Variants in ACYP2 observed in about 807,000 individuals in gnomAD.
The protein encoded by ACYP2 is acylphosphatase 2.
In ACYP2, 12 loss-of-function variants were observed where a neutral mutation model predicts 11.2. The observed-to-expected ratio is 1.08, with a 90% CI of 0.69 to 1.74. The LOEUF (loss-of-function observed/expected upper bound fraction) is 1.74, where lower values mean the gene tolerates loss of function less well. Among genes scored for constraint, ACYP2 ranks in the 40% most tolerant of loss-of-function variants. ACYP2 has a pLI of 0.00. For synonymous variants in ACYP2, 43 were observed against 32.2 expected (o/e 1.33, Z -1.13); for missense variants, 134 against 101.9 (o/e 1.31, Z -1.35).
intron 4 of ACYP2, among the ~76,000 whole-genome samples, chr2:54,128,722 CT>C (rs1366123239): frequency 6.6e-6 from 1 of 151,878 alleles, no homozygotes; most frequent in Non-Finnish European, 1.5e-5. Flanking sequence ...CTTTTCCCCC[CT>C]TTTTTAAAAA....
intron 6 of ACYP2, among the ~76,000 whole-genome samples, chr2:54,165,745 T>C (rs1682942242): frequency 6.6e-6 from 1 of 152,170 alleles, no homozygotes; most frequent in East Asian, 1.9e-4. Flanking sequence ...CCAGTCTTCC[T>C]GTTAGTTTCT....
intron 6 of ACYP2, among the ~76,000 whole-genome samples, chr2:54,302,183 A>C (rs1321711495): frequency 6.6e-6 from 1 of 152,164 alleles, no homozygotes. Context: ...CTAGTCTTGG[A>C]TTCCATGGTT....
chr2:54,202,024 AAGTTT>A, intron 6 of ACYP2, among the ~76,000 whole-genome samples: 1 of 144,500 alleles, frequency 6.9e-6, no homozygotes, highest in East Asian at 2.2e-4. Flanking sequence ...TTTTTCTTCT[AAGTTT>A]CTGCTTAAAG....
chr2:54,041,690 A>G (rs1209732678), intron 2 of ACYP2, among the ~76,000 whole-genome samples: 1 of 152,218 alleles, frequency 6.6e-6, no homozygotes, highest in African/African-American at 2.4e-5. Flanking sequence ...AGAGGCGGCA[A>G]GGGAGCTGAG....
At chr2:54,151,630 A>G (rs1682174426) in intron 6 of ACYP2, among the ~76,000 whole-genome samples, 1 of 152,226 alleles carries the variant, frequency 6.6e-6, no homozygotes. Flanking sequence ...AAAACTAGGA[A>G]CATGAAAAAT....
chr2:54,230,602 G>A (rs993318895), intron 6 of ACYP2, among the ~76,000 whole-genome samples: 2 of 152,004 alleles, frequency 1.3e-5, no homozygotes, highest in African/African-American at 4.8e-5. Context: ...CCAACCTCAG[G>A]TGATTTGCCC....
intron 2 of ACYP2, among the ~76,000 whole-genome samples, chr2:54,016,268 T>TA (rs541747715): frequency 3.3e-5 from 5 of 151,848 alleles, no homozygotes; most frequent in African/African-American, 7.2e-5. Flanking sequence ...CCCAGTGCCA[T>TA]AAAAAAAATA....
intron 6 of ACYP2, among the ~76,000 whole-genome samples, chr2:54,211,882 T>C (rs1241114952): frequency 6.6e-6 from 1 of 152,196 alleles, no homozygotes; most frequent in Non-Finnish European, 1.5e-5. Flanking sequence ...TGCTTCATGA[T>C]GCCAGGAACT....
intron 2 of ACYP2, among the ~76,000 whole-genome samples, chr2:54,021,203 A>G (rs1427482166): frequency 6.6e-6 from 1 of 152,204 alleles, no homozygotes; most frequent in Non-Finnish European, 1.5e-5. Context: ...AAGGGTGGTT[A>G]CAGAACAGGT....
intron 2 of ACYP2, among the ~76,000 whole-genome samples, chr2:54,006,262 C>G (rs1673057836): frequency 1.3e-5 from 2 of 152,078 alleles, no homozygotes; most frequent in Admixed American, 1.3e-4. Context: ...ATTCTCCTGC[C>G]TCGGCCCCCC....
At chr2:54,009,456 C>T (rs962533613) in intron 2 of ACYP2, among the ~76,000 whole-genome samples, 1 of 152,038 alleles carries the variant, frequency 6.6e-6, no homozygotes, top group Non-Finnish European at 1.5e-5. Context: ...CACCTGTAAT[C>T]CCAGCTACTT....
At chr2:54,191,691 C>T (rs13410397) in intron 6 of ACYP2, among the ~76,000 whole-genome samples, 34,915 of 152,118 alleles carry the variant, frequency 0.23, 4,159 homozygotes, top group East Asian at 0.38. Context: ...ATTATTATTA[C>T]TGGAGGTGTC....
At chr2:54,234,022 T>C (rs1166150771) in intron 6 of ACYP2, among the ~76,000 whole-genome samples, 2 of 152,020 alleles carry the variant, frequency 1.3e-5, no homozygotes, top group African/African-American at 4.8e-5. Flanking sequence ...CCTTTAATGA[T>C]TTATTAAGAT....
At chr2:54,148,293 G>C (rs879132053) in intron 6 of ACYP2, among the ~76,000 whole-genome samples, 3 of 150,466 alleles carry the variant, frequency 2.0e-5, no homozygotes, top group Admixed American at 2.0e-4. Flanking sequence ...GGATGGGGAT[G>C]GGTGTATACT....
intron 4 of ACYP2, among the ~76,000 whole-genome samples, chr2:54,059,877 A>T (rs1348568699): frequency 1.3e-5 from 2 of 152,170 alleles, no homozygotes. Flanking sequence ...CTGGGAAAGG[A>T]TTGCTTCATT....
At chr2:53,985,517 T>TA (rs1671991167) in intron 2 of ACYP2, among the ~76,000 whole-genome samples, 1 of 152,164 alleles carries the variant, frequency 6.6e-6, no homozygotes, top group Non-Finnish European at 1.5e-5. Context: ...CTCCAAAAGA[T>TA]ATCTACTTAA....
chr2:54,192,661 T>C (rs1256453357), intron 6 of ACYP2, among the ~76,000 whole-genome samples: 3 of 152,204 alleles, frequency 2.0e-5, no homozygotes, highest in Non-Finnish European at 2.9e-5. Context: ...AGATGAAATA[T>C]GGGCTTTGTA....
At chr2:54,218,857 T>A (rs1685668101) in intron 6 of ACYP2, among the ~76,000 whole-genome samples, 1 of 152,188 alleles carries the variant, frequency 6.6e-6, no homozygotes, top group African/African-American at 2.4e-5. Context: ...TCTCTACAAA[T>A]AAACTTCTGC....
chr2:54,134,804 CTG>C, intron 4 of ACYP2, among the ~76,000 whole-genome samples: 1 of 152,328 alleles, frequency 6.6e-6, no homozygotes, highest in East Asian at 1.9e-4. Context: ...ATGCCTGAAA[CTG>C]TGGATAGTGT....
Sources: allele counts gnomAD v4.1 joint callset (sites outside exome capture counted in the v4.1 genomes callset), GRCh38; gene constraint gnomAD v4.1.1; transcripts MANE v1.5; gene names NCBI Gene and HGNC (gene_info 2026-07-23, HGNC 2026-07-21).